The following DNTTIP1 variants were observed in gnomAD, a reference collection of about 807,000 sequenced individuals.
DNTTIP1 encodes the protein deoxynucleotidyltransferase terminal-interacting protein 1.
In DNTTIP1, 22 loss-of-function variants were observed where a neutral mutation model predicts 52.9. The observed-to-expected ratio is 0.42, with a 90% confidence interval of 0.30 to 0.59. DNTTIP1 has a LOEUF of 0.59. Among genes scored for constraint, DNTTIP1 ranks in the 20% least tolerant of loss-of-function variants. The pLI is 0.22. For missense variants in DNTTIP1, 286 were observed against 435.5 expected, an observed-to-expected ratio of 0.66 and a Z score of 3.06; for synonymous variants, 136 against 155.1, an observed-to-expected ratio of 0.88 and a Z score of 0.92.
intron 3 of DNTTIP1, among the ~76,000 whole-genome samples, chr20:45,794,588 C>G (rs886605827): frequency 6.6e-6 from 1 of 151,876 alleles, no homozygotes. Flanking sequence ...CTTAAATGTA[C>G]TGTGCTGAGC....
chr20:45,805,933 A>T (rs1364745425), intron 10 of DNTTIP1, among the ~76,000 whole-genome samples: 2 of 151,848 alleles, frequency 1.3e-5, no homozygotes, highest in Non-Finnish European at 2.9e-5. Context: ...AAAATACAAA[A>T]TTAGCTGGCA....
intron 10 of DNTTIP1, among the ~76,000 whole-genome samples, chr20:45,807,477 T>C (rs1183291091): frequency 5.9e-5 from 9 of 152,218 alleles, no homozygotes; most frequent in Non-Finnish European, 8.8e-5. Context: ...ATTTAGAATC[T>C]ATTTGTATTT....
At chr20:45,794,895 G>A (rs1040620139) in intron 3 of DNTTIP1, among the ~76,000 whole-genome samples, 2 of 151,816 alleles carry the variant, frequency 1.3e-5, no homozygotes, top group Non-Finnish European at 2.9e-5. Flanking sequence ...CGCCTCCTGG[G>A]TTCAAGCAGT....
At chr20:45,798,286 A>G (rs1266228556) in intron 4 of DNTTIP1, among the ~76,000 whole-genome samples, 2 of 149,464 alleles carry the variant, frequency 1.3e-5, no homozygotes, top group Non-Finnish European at 3.0e-5. Flanking sequence ...GAACAATGAG[A>G]ACACATGGAC....
At chr20:45,794,425 G>T (rs1981159994) in intron 3 of DNTTIP1, among the ~76,000 whole-genome samples, 1 of 152,076 alleles carries the variant, frequency 6.6e-6, no homozygotes, top group Admixed American at 6.5e-5. Context: ...GGGATTATAG[G>T]TGTGAGCCAG....
chr20:45,810,575 CTT>C (rs57338956), intron 11 of DNTTIP1, among the ~76,000 whole-genome samples: 71,399 of 123,784 alleles, frequency 0.58, 17,797 homozygotes, highest in Admixed American at 0.65. Context: ...TTCTTTTTTT[CTT>C]TTTTTTTTTT....
intron 2 of DNTTIP1, 35 bp from the exon 3 acceptor site, chr20:45,793,886 C>T: frequency 7.3e-7 from 1 of 1,366,268 alleles, no homozygotes; most frequent in Non-Finnish European, 1.0e-6. Context: ...ATGTTTGGGA[C>T]ATGCCCCCTC....
chr20:45,792,015 C>G lies in DNTTIP1; in HGVS notation c.11C>G (p.Thr4Ser), dbSNP rs761197756. 5.1e-5 allele frequency: 65 copies of G among 1,265,692 alleles called. No homozygotes were observed. Among genetic ancestry groups the G allele is most frequent in the Non-Finnish European group, 6.2e-5 (62 of 1,004,478 alleles). 78.4% of individuals were successfully genotyped at this position (1,265,692 alleles called of 1,614,324 possible). The change falls in exon 1 of 13, where the codon ACT (threonine) becomes AGT (serine). Residue 4 changes from threonine (T) to serine (S), a missense_variant. By Grantham distance (58) the Thr-to-Ser change is moderately conservative. Transcript: ENST00000372622. MGA[T>S]GDAEQPRGPS... ...GGGGCCGGGGGCGCCATGGGAGCCA[C>G]TGGCGACGCCGAGCAGCCGCGGGGA...
chr20:45,805,152 C>T lies in DNTTIP1; in HGVS notation c.610C>T (p.Pro204Ser), dbSNP rs1217902774. The part of the protein sequence containing the change: ...PIRREGPKWD[P>S]ARLNESTTFV... ...TTCTCTATTTTTTGCACAGTGGGAC[C>T]CAGCTCGCCTGAATGAATCTACCAC... Residue 204 changes from proline to serine, a missense_variant, in exon 9 of 13, where the codon CCA becomes TCA. Around this residue, in one of 2 missense-constraint regions of DNTTIP1, gnomAD observed 78 missense variants for 169.0 expected, o/e 0.46. Coordinates refer to ENST00000372622, the MANE Select transcript of DNTTIP1 (RefSeq NM_052951.3). 3 of 1,614,016 alleles carry T rather than the reference C, an allele frequency of 1.9e-6. No homozygotes were observed. The highest frequency in any genetic ancestry group is 1.6e-4 in the Middle Eastern group (1 of 6,084).
intron 1 of DNTTIP1, 57 bp from the exon 2 acceptor site, chr20:45,792,620 T>A: frequency 8.2e-6 from 11 of 1,344,540 alleles, no homozygotes; most frequent in Non-Finnish European, 1.1e-5. Context: ...ACCCTCCACC[T>A]CCACCCCACC....
rs368306369 is a variant in DNTTIP1, at chr20:45,810,839, G to A, written c.796-46G>A. 10 of 1,568,772 alleles carry A rather than the reference G, an allele frequency of 6.4e-6. 1 individual carries two copies. The highest frequency in any genetic ancestry group is 1.3e-5 in the African/African-American group (1 of 74,098). ...TTTAATGAAGTGTTACTGAGTTGGA[G>A]TGAAATGAATCAGGCAATGACCACT... On this transcript the variant is annotated intron_variant, in intron 11 of 12. Transcript: ENST00000372622.
At chr20:45,795,255 C>T (rs1262965409) in intron 3 of DNTTIP1, 90 bp from the exon 4 acceptor site, 4 of 703,172 alleles carry the variant, frequency 5.7e-6, no homozygotes, top group Non-Finnish European at 9.5e-6. Context: ...CTGTATGAAG[C>T]TAGGATAAAG....
chr20:45,811,319 T>C lies in DNTTIP1; in HGVS notation c.*124T>C. 8.9e-7 allele frequency: 1 copy of C among 1,117,850 alleles called. No individual in the cohort carries two copies. Among genetic ancestry groups the C allele is most frequent in the East Asian group, 2.4e-5 (1 of 41,310 alleles). 69.2% of individuals were successfully genotyped at this position (1,117,850 alleles called of 1,614,324 possible). On this transcript the variant is annotated 3_prime_UTR_variant, in exon 13 of 13. Coordinates refer to ENST00000372622, the MANE Select transcript of DNTTIP1 (RefSeq NM_052951.3). ...GGCATTAAGCTGTGCCTGAGCGAGT[T>C]TGTAGTGACTCACTGCACAGCACCC...
chr20:45,800,553 A>G (rs1416840021), intron 4 of DNTTIP1, among the ~76,000 whole-genome samples: 1 of 150,924 alleles, frequency 6.6e-6, no homozygotes, highest in Non-Finnish European at 1.5e-5. Flanking sequence ...GGGCACCTGT[A>G]ATCTCAGCTG....
rs761829468 is a variant in DNTTIP1, at chr20:45,809,083, G to A, written c.724-31G>A. 1 of 1,605,432 alleles carries A rather than the reference G, an allele frequency of 6.2e-7. No individual in the cohort carries two copies. The highest frequency in any genetic ancestry group is 1.1e-5 in the South Asian group (1 of 90,916). On this transcript the variant is annotated intron_variant, in intron 10 of 12. Transcript: ENST00000372622. This position sits in a 1 kb window ranked among gnomAD's most constrained non-coding sequence, Gnocchi z 4.2. ...AAATGAGAAAAGCCCCTTACCCGAG[G>A]CTAATTTTCTTACAACTTCATTCCT...
intron 4 of DNTTIP1, among the ~76,000 whole-genome samples, chr20:45,796,844 A>G (rs1284375894): frequency 6.6e-6 from 1 of 152,090 alleles, no homozygotes; most frequent in African/African-American, 2.4e-5. Flanking sequence ...TCTCAGTGAC[A>G]TCTGTCACAA....
chr20:45,799,293 GAGA>G (rs1298454624), intron 4 of DNTTIP1, among the ~76,000 whole-genome samples: 3 of 152,256 alleles, frequency 2.0e-5, no homozygotes, highest in Non-Finnish European at 2.9e-5. Flanking sequence ...AGAACGGCCA[GAGA>G]AGTAGAAGGA....
chr20:45,796,135 TC>T lies in DNTTIP1; in HGVS notation c.372+693del, dbSNP rs113298627. ...ACTTTTAGTTATAAGATGAACAAGT[TC>T]TGGGCAATCTGATGTACAGCATGAT... On this transcript the variant is annotated intron_variant, in intron 4 of 12. Transcript: ENST00000372622. Among the ~76,000 whole-genome samples, 449 of 152,224 alleles carry T rather than the reference TC, an allele frequency of 2.9e-3. 4 individuals carry two copies. Among genetic ancestry groups the T allele is most frequent in the African/African-American group, 0.01 (434 of 41,534 alleles).
rs191389722 is a variant in DNTTIP1, at chr20:45,800,099, A to G, written c.373-975A>G. Among the ~76,000 whole-genome samples the G allele has an allele frequency of 2.2e-4, 34 of 151,852 alleles. No homozygotes were observed. The East Asian group carries it at 6.6e-3, about 29-fold the overall frequency. Reference sequence around the variant, plus strand: ...CGCACCACTGTACTCCAGTCTGGGCAACAGAGCAAGATTCCATGTCAAAAA... The same window carrying G: ...CGCACCACTGTACTCCAGTCTGGGCGACAGAGCAAGATTCCATGTCAAAAA... On this transcript the variant is annotated intron_variant, in intron 4 of 12. Coordinates refer to ENST00000372622, the MANE Select transcript of DNTTIP1 (RefSeq NM_052951.3).
Sources: allele counts gnomAD v4.1 joint callset (sites outside exome capture counted in the v4.1 genomes callset), GRCh38; gene constraint gnomAD v4.1.1; regional missense constraint gnomAD v4.1.1; non-coding constraint Gnocchi (gnomAD v3.1); transcripts MANE v1.5; gene names NCBI Gene and HGNC (gene_info 2026-07-23, HGNC 2026-07-21).